The following ULK4 variants were observed in gnomAD, a reference collection of about 807,000 sequenced individuals.
The protein encoded by ULK4 is unc-51 like kinase 4, also known as inactive serine/threonine-protein kinase ULK4.
Under a neutral mutation model 160.6 loss-of-function variants are expected in ULK4, and 133 were observed. The ratio of observed to expected loss-of-function variants is 0.83; its 90% CI spans 0.72 to 0.96. The LOEUF is 0.96. ULK4 is among the 40% of genes least tolerant of loss of function. The pLI, the probability that ULK4 is intolerant of heterozygous loss-of-function variation, is 0.00. For synonymous variants in ULK4, 534 were observed against 539.8 expected, an observed-to-expected ratio of 0.99 and a Z score of 0.15; for missense variants, 1,580 against 1,499.5, an observed-to-expected ratio of 1.05 and a Z score of -0.89.
rs777421187 is a variant in ULK4 at position 41,911,592 on chromosome 3, G to A, written c.964C>T (p.Gln322Ter). 6.2e-7 allele frequency: 1 copy of A among 1,614,004 alleles called. No homozygotes were observed. The highest frequency in any genetic ancestry group is 8.5e-7 in the Non-Finnish European group (1 of 1,180,030). The part of the protein sequence containing the change: ...KELLQNSQSR[Q>*]AKGHKSGQPL... The stretch of plus-strand genomic sequence containing the variant: ...TGACCACTCTTGTGCCCTTTTGCTT[G>A]TCTACTCTGAGAGTTCTGCAAAAGC... Residue 322 changes from glutamine (Q) to a stop codon, truncating the protein, a stop_gained, in exon 10 of 37, where the codon CAA (glutamine) becomes TAA (stop). Transcript: ENST00000301831. LOFTEE classifies it high-confidence loss of function.
intron 21 of ULK4, among the ~76,000 whole-genome samples, chr3:41,762,386 G>C (rs1559533888): frequency 6.6e-6 from 1 of 151,768 alleles, no homozygotes; most frequent in Non-Finnish European, 1.5e-5. Flanking sequence ...AATTTAAAAT[G>C]TTTTTTTAAG....
intron 34 of ULK4, among the ~76,000 whole-genome samples, chr3:41,412,413 T>TTTC (rs2082425955): frequency 6.6e-6 from 1 of 151,492 alleles, no homozygotes; most frequent in African/African-American, 2.4e-5. Flanking sequence ...TTTTTTTTTT[T>TTTC]GGTAGAAATT....
At chr3:41,572,452 A>G (rs926281761) in intron 31 of ULK4, among the ~76,000 whole-genome samples, 3 of 152,162 alleles carry the variant, frequency 2.0e-5, no homozygotes, top group African/African-American at 7.2e-5. Context: ...TAGCTTCAAA[A>G]GAGCCCTCAA....
chr3:41,927,045 T>C (rs1015312742), intron 5 of ULK4, among the ~76,000 whole-genome samples: 8 of 151,540 alleles, frequency 5.3e-5, no homozygotes, highest in Admixed American at 6.6e-5. Flanking sequence ...GACACATAAT[T>C]GTCAGATTCA....
intron 32 of ULK4, among the ~76,000 whole-genome samples, chr3:41,473,072 T>C (rs1239478721): frequency 2.2e-4 from 34 of 152,092 alleles, no homozygotes; most frequent in Admixed American, 2.1e-3. Flanking sequence ...GATTAAAAAC[T>C]CTCAACAAAT....
intron 17 of ULK4, among the ~76,000 whole-genome samples, chr3:41,838,455 T>C (rs1229781597): frequency 6.6e-6 from 1 of 151,986 alleles, no homozygotes; most frequent in African/African-American, 2.4e-5. Flanking sequence ...TGTATGTATA[T>C]AATACATACA....
At chr3:41,333,959 T>C (rs2125743417) in intron 35 of ULK4, among the ~76,000 whole-genome samples, 1 of 152,312 alleles carries the variant, frequency 6.6e-6, no homozygotes, top group South Asian at 2.1e-4. Context: ...CTTGGTTTTC[T>C]TATTTTAATA....
intron 35 of ULK4, among the ~76,000 whole-genome samples, chr3:41,324,051 G>A (rs765242549): frequency 2.6e-4 from 40 of 152,300 alleles, no homozygotes; most frequent in African/African-American, 7.7e-4. Context: ...CAGGAAGCCA[G>A]GTCAGCCCAA....
chr3:41,254,875 TC>T (rs2078804057), intron 35 of ULK4, among the ~76,000 whole-genome samples: 1 of 143,654 alleles, frequency 7.0e-6, no homozygotes, highest in African/African-American at 2.6e-5. Flanking sequence ...AGAGCGAGAC[TC>T]CATCTCAAAA....
intron 16 of ULK4, among the ~76,000 whole-genome samples, chr3:41,892,488 G>A (rs1698002503): frequency 6.6e-6 from 1 of 152,194 alleles, no homozygotes; most frequent in Non-Finnish European, 1.5e-5. Flanking sequence ...TGTAGTATAT[G>A]CATACAACGG....
At chr3:41,620,555 A>G (rs1402971265) in intron 30 of ULK4, among the ~76,000 whole-genome samples, 1 of 152,228 alleles carries the variant, frequency 6.6e-6, no homozygotes, top group Non-Finnish European at 1.5e-5. Flanking sequence ...GCCTTCAGTA[A>G]GATTCAACAT....
chr3:41,960,723 G>A (rs1446752420), intron 1 of ULK4, among the ~76,000 whole-genome samples: 1 of 152,052 alleles, frequency 6.6e-6, no homozygotes, highest in African/African-American at 2.4e-5. Flanking sequence ...AAGATTCTTT[G>A]ACTCAGTCCA....
intron 4 of ULK4, among the ~76,000 whole-genome samples, chr3:41,933,001 G>A (rs1365692364): frequency 1.3e-5 from 2 of 152,130 alleles, no homozygotes; most frequent in Non-Finnish European, 2.9e-5. Flanking sequence ...CCAAGGTTGC[G>A]CCACCGCACT....
intron 35 of ULK4, among the ~76,000 whole-genome samples, chr3:41,395,709 T>C (rs1017425998): frequency 1.3e-5 from 2 of 152,152 alleles, no homozygotes; most frequent in Admixed American, 1.3e-4. Flanking sequence ...ATAGTGATGG[T>C]TGCACAACAA....
intron 32 of ULK4, among the ~76,000 whole-genome samples, chr3:41,518,620 T>TA (rs1410268704): frequency 6.6e-6 from 1 of 152,232 alleles, no homozygotes; most frequent in African/African-American, 2.4e-5. Context: ...AATATGGCAG[T>TA]AATGTGCTTC....
At chr3:41,911,226 C>G (rs576286939) in intron 11 of ULK4, 91 bp downstream of exon 11, 1 of 1,243,440 alleles carries the variant, frequency 8.0e-7, no homozygotes, top group East Asian at 2.4e-5. Flanking sequence ...TTCTTTATCT[C>G]TGTGTAACAA....
At chr3:41,558,504 G>T (rs1396478710) in intron 32 of ULK4, among the ~76,000 whole-genome samples, 1 of 152,046 alleles carries the variant, frequency 6.6e-6, no homozygotes, top group Non-Finnish European at 1.5e-5. Context: ...AGGAGTTCAA[G>T]ACCAGCCTGG....
At chr3:41,944,157 C>G (rs1042499567) in intron 2 of ULK4, among the ~76,000 whole-genome samples, 9 of 152,196 alleles carry the variant, frequency 5.9e-5, no homozygotes, top group African/African-American at 1.9e-4. Context: ...GACATGATAA[C>G]TAAAGTGACA....
At chr3:41,739,360 G>C (rs758605435) in intron 22 of ULK4, among the ~76,000 whole-genome samples, 9 of 151,912 alleles carry the variant, frequency 5.9e-5, no homozygotes, top group Non-Finnish European at 1.0e-4. Flanking sequence ...TCTGGTTAGT[G>C]AATGGTTCAG....
Sources: allele counts gnomAD v4.1 joint callset (sites outside exome capture counted in the v4.1 genomes callset), GRCh38; gene constraint gnomAD v4.1.1; transcripts MANE v1.5; gene names NCBI Gene and HGNC (gene_info 2026-07-23, HGNC 2026-07-21).